The following VIT variants were observed in gnomAD, a reference collection of about 807,000 sequenced individuals.
The protein encoded by VIT is vitrin.
VIT carries 99 observed loss-of-function variants against 78.0 expected under a neutral mutation model. The observed-to-expected ratio is 1.27, with a 90% CI of 1.08 to 1.50. The LOEUF is 1.50. Among genes scored for constraint, VIT ranks in the 40% most tolerant of loss-of-function variants. VIT has a pLI of 0.00. For synonymous variants in VIT, 374 were observed against 334.3 expected, an observed-to-expected ratio of 1.12 and a Z score of -1.29; for missense variants, 1,126 against 875.3, an observed-to-expected ratio of 1.29 and a Z score of -3.61.
At chr2:36,813,204 C>A (rs1214384247) in intron 15 of VIT, among the ~76,000 whole-genome samples, 2 of 151,504 alleles carry the variant, frequency 1.3e-5, no homozygotes, top group Admixed American at 6.6e-5. Flanking sequence ...AATCCCAGCA[C>A]TTTGGGAGGC....
intron 7 of VIT, 51 bp from the exon 8 acceptor site, chr2:36,773,740 A>G: frequency 1.4e-6 from 2 of 1,398,602 alleles, no homozygotes; most frequent in South Asian, 1.7e-5. Flanking sequence ...AAATAAATTA[A>G]TTAATTAATT....
intron 12 of VIT, among the ~76,000 whole-genome samples, chr2:36,800,640 T>C (rs1381386646): frequency 6.6e-6 from 1 of 152,120 alleles, no homozygotes; most frequent in Non-Finnish European, 1.5e-5. Flanking sequence ...CCTGCACGCC[T>C]CCACACCCTC....
intron 3 of VIT, among the ~76,000 whole-genome samples, chr2:36,730,945 G>A (rs777353858): frequency 1.3e-5 from 2 of 152,206 alleles, no homozygotes; most frequent in Non-Finnish European, 2.9e-5. Context: ...GGGCATGACA[G>A]TGTAGAAAAC....
intron 3 of VIT, among the ~76,000 whole-genome samples, chr2:36,735,744 C>T (rs145317745): frequency 1.3e-5 from 2 of 152,334 alleles, no homozygotes; most frequent in South Asian, 2.1e-4. Context: ...CCCACCTTCC[C>T]AGTCTTAGAA....
In VIT at chr2:36,743,148, C is replaced by T; in HGVS notation, c.167C>T (p.Pro56Leu). 1 of 1,614,090 alleles carries T rather than the reference C, an allele frequency of 6.2e-7. No homozygotes were observed. The highest frequency in any genetic ancestry group is 8.5e-7 in the Non-Finnish European group (1 of 1,179,974). ...GTCAAAGCCGGAAAGATCATCGATC[C>T]TGAGTTCATTGTGAAATGTCCAGCA... ...CDVKAGKIID[P>L]EFIVKCPAGC... The change falls in exon 4 of 16, where the codon CCT becomes CTT. Residue 56 changes from proline to leucine, a missense_variant. By Grantham distance (98) the Pro-to-Leu change is moderately conservative. Transcript: ENST00000379242.
At chr2:36,807,802 G>A (rs1048606267) in intron 14 of VIT, among the ~76,000 whole-genome samples, 2 of 152,220 alleles carry the variant, frequency 1.3e-5, no homozygotes, top group Admixed American at 6.5e-5. Flanking sequence ...AGGCAGAGTT[G>A]TCTGGTTCTG....
intron 7 of VIT, among the ~76,000 whole-genome samples, chr2:36,772,136 G>A (rs983140439): frequency 6.6e-6 from 1 of 152,148 alleles, no homozygotes; most frequent in African/African-American, 2.4e-5. Flanking sequence ...GCTGGGCGTG[G>A]TGGCTCATGC....
rs141859952 is a variant in VIT, at chr2:36,744,533, G to T, written c.275+1277G>T. On this transcript the variant is annotated intron_variant, in intron 4 of 15. Coordinates refer to ENST00000379242, the MANE Select transcript of VIT (RefSeq NM_053276.4). Reference sequence around the variant, plus strand: ...AAGCCATTCTGACTGGTGTAAGATGGTATCTCATTGTGGTTTTGACTTGCA... The same window carrying T: ...AAGCCATTCTGACTGGTGTAAGATGTTATCTCATTGTGGTTTTGACTTGCA... Among the ~76,000 whole-genome samples the T allele has an allele frequency of 3.6e-3, 544 of 152,266 alleles. 2 individuals carry two copies. The highest frequency in any genetic ancestry group is 6.1e-3 in the Non-Finnish European group (412 of 68,004).
chr2:36,798,748 G>T (rs1385072605), intron 12 of VIT, among the ~76,000 whole-genome samples: 2 of 152,018 alleles, frequency 1.3e-5, no homozygotes, highest in East Asian at 3.9e-4. Flanking sequence ...AACAGAGCAA[G>T]ACTCCATCTC....
intron 1 of VIT, among the ~76,000 whole-genome samples, chr2:36,707,122 G>T (rs368395621): frequency 6.6e-6 from 1 of 152,110 alleles, no homozygotes; most frequent in East Asian, 1.9e-4. Flanking sequence ...CTGTATGGAC[G>T]GCCACTGCGA....
intron 4 of VIT, 148 bp from the exon 5 acceptor site, chr2:36,754,773 G>A: frequency 2.6e-6 from 2 of 761,008 alleles, no homozygotes; most frequent in Non-Finnish European, 4.0e-6. Context: ...CACCATTCTT[G>A]TGGGTTGGGC....
In VIT at chr2:36,808,842, C is replaced by T. The variant is rs747073340; in HGVS notation, c.1760C>T (p.Thr587Ile). Residue 587 changes from threonine (T) to isoleucine (I), a missense_variant, in exon 15 of 16, where the codon ACC becomes ATC. Physicochemically the swap from Thr to Ile is moderately conservative, Grantham distance 89. Transcript: ENST00000379242. ...IKRVGYWSGG[T>I]STGAAINFAL... ...AGGGTGGGCTACTGGAGTGGTGGCA[C>T]CAGCACGGGGGCTGCCATCAACTTC... The T allele has an allele frequency of 6.2e-7, 1 of 1,614,182 alleles. No homozygotes were observed. Among genetic ancestry groups the T allele is most frequent in the Non-Finnish European group, 8.5e-7 (1 of 1,180,030 alleles).
chr2:36,777,247 T>C (rs1670131688), intron 9 of VIT, among the ~76,000 whole-genome samples: 1 of 151,516 alleles, frequency 6.6e-6, no homozygotes, highest in Admixed American at 6.6e-5. Context: ...CTAAAGGTCT[T>C]TGGGGTCTTT....
intron 14 of VIT, among the ~76,000 whole-genome samples, chr2:36,806,145 TGCC>T (rs1666710679): frequency 6.6e-6 from 1 of 152,186 alleles, no homozygotes; most frequent in South Asian, 2.1e-4. Flanking sequence ...TCTGTGGAGA[TGCC>T]CAGCAGGAGA....
intron 2 of VIT, among the ~76,000 whole-genome samples, chr2:36,716,824 T>C (rs1472128697): frequency 6.6e-6 from 1 of 151,254 alleles, no homozygotes; most frequent in African/African-American, 2.4e-5. Context: ...ACCGCTGACA[T>C]GGCTCTACCT....
At chr2:36,725,748 A>C (rs1558517449) in intron 2 of VIT, among the ~76,000 whole-genome samples, 1 of 152,154 alleles carries the variant, frequency 6.6e-6, no homozygotes, top group Non-Finnish European at 1.5e-5. Context: ...GTCCATTTAT[A>C]CCTAAATTGA....
rs1435721712 is a variant in VIT at position 36,759,018 on chromosome 2, A to G, written c.459A>G (p.Ser153=). The change falls in exon 6 of 16, where the codon TCA becomes TCG. Residue 153 remains serine, a synonymous_variant. Coordinates refer to ENST00000379242, the MANE Select transcript of VIT (RefSeq NM_053276.4). The part of the protein sequence containing the change: ...GVTYPSALTY[S]SSKSPAAQAG... ...CCTACCCATCAGCTCTTACATACTC[A>G]TCATCGAAAAGTCCAGCTGCCCAAG... 5 of 1,613,912 alleles carry G rather than the reference A, an allele frequency of 3.1e-6. No individual in the cohort carries two copies. Among genetic ancestry groups the G allele is most frequent in the South Asian group, 2.2e-5 (2 of 91,080 alleles).
rs371192842 is a variant in VIT at position 36,712,709 on chromosome 2, G to A, written c.-18-3644G>A. 4.3e-4 allele frequency among the ~76,000 whole-genome samples: 65 copies of A among 152,160 alleles called. No individual in the cohort carries two copies. The South Asian group carries it at 7.7e-3, about 18-fold the overall frequency. On this transcript the variant is annotated intron_variant, in intron 1 of 15. Coordinates refer to ENST00000379242, the MANE Select transcript of VIT (RefSeq NM_053276.4). Reference sequence around the variant, plus strand: ...AAATTAGCCAGGTATGGTGGCAGGCGCCTGTAATCCCAGCTACTCGGGAGG... The same window carrying A: ...AAATTAGCCAGGTATGGTGGCAGGCACCTGTAATCCCAGCTACTCGGGAGG...
chr2:36,783,248 G>C, intron 10 of VIT, 92 bp from the exon 11 acceptor site: 1 of 1,235,866 alleles, frequency 8.1e-7, no homozygotes, highest in Non-Finnish European at 1.2e-6. Context: ...CCCCCAAGCT[G>C]GGTGTGAATA....
Sources: allele counts gnomAD v4.1 joint callset (sites outside exome capture counted in the v4.1 genomes callset), GRCh38; gene constraint gnomAD v4.1.1; transcripts MANE v1.5; gene names NCBI Gene and HGNC (gene_info 2026-07-23, HGNC 2026-07-21).